Variants in PGM2 observed in about 807,000 individuals in gnomAD.
PGM2 encodes the protein phosphoglucomutase 2.
A neutral mutation model predicts 74.6 loss-of-function variants in PGM2; 57 were observed. The observed-to-expected ratio is 0.76, with a 90% CI of 0.62 to 0.95. PGM2 has a LOEUF of 0.95. Ranked by LOEUF, PGM2 falls within the 40% of genes least tolerant of loss-of-function variation. PGM2 has a pLI of 0.00. For synonymous variants in PGM2, 273 were observed against 260.7 expected, an observed-to-expected ratio of 1.05 and a Z score of -0.46; for missense variants, 706 against 741.9, an observed-to-expected ratio of 0.95 and a Z score of 0.56.
At chr4:37,840,298 A>G (rs1208490678) in intron 6 of PGM2, 39 bp downstream of exon 6, 5 of 1,292,148 alleles carry the variant, frequency 3.9e-6, no homozygotes, top group Non-Finnish European at 5.6e-6. Context: ...AAGTGAGTTA[A>G]TGTGATTCAG....
At chr4:37,835,837 C>T (rs1158467642) in intron 3 of PGM2, among the ~76,000 whole-genome samples, 1 of 152,128 alleles carries the variant, frequency 6.6e-6, no homozygotes, top group Non-Finnish European at 1.5e-5. Context: ...AGCTTTGCAG[C>T]TCAAAAATGT....
In PGM2 at chr4:37,847,194, C is replaced by T; in HGVS notation, c.1189-8C>T. 1.9e-6 allele frequency: 3 copies of T among 1,610,642 alleles called. No individual in the cohort carries two copies. Among genetic ancestry groups the T allele is most frequent in the Non-Finnish European group, 8.5e-7 (1 of 1,176,934 alleles). On this transcript the variant is annotated splice_polypyrimidine_tract_variant and splice_region_variant and intron_variant, in intron 9 of 13. Transcript: ENST00000381967. ...GGCATGTCTTTCTCTTTTGGATTAT[C>T]CCTTTAGGAAACATTAACTGGCTTT... is the stretch of plus-strand genomic sequence containing the variant.
Position 37,840,268 on chromosome 4 carries a change from A to T in PGM2, c.719+9A>T, listed in dbSNP as rs776541796. 5.8e-6 allele frequency: 9 copies of T among 1,548,538 alleles called. No homozygotes were observed. The highest frequency in any genetic ancestry group is 8.0e-6 in the Non-Finnish European group (9 of 1,121,084). On this transcript the variant is annotated intron_variant, in intron 6 of 13. Transcript: ENST00000381967. ...AAGTACTGTTTCCACAGGTAAATGA[A>T]TTGTGTCTTCACTGACCTTAAGTGA...
intron 6 of PGM2, among the ~76,000 whole-genome samples, chr4:37,842,944 T>C (rs1425363071): frequency 6.6e-6 from 1 of 151,970 alleles, no homozygotes; most frequent in Admixed American, 6.6e-5. Context: ...ATTAGAGGAG[T>C]GAGCCACTGT....
chr4:37,861,413 G>A (rs910090436), intron 13 of PGM2, 97 bp from the exon 14 acceptor site: 4 of 733,178 alleles, frequency 5.5e-6, no homozygotes, highest in South Asian at 4.8e-5. Context: ...TCTTCTTAAG[G>A]TTATATTTTC....
chr4:37,831,537 G>A (rs1268620766), intron 2 of PGM2, among the ~76,000 whole-genome samples: 2 of 152,204 alleles, frequency 1.3e-5, no homozygotes, highest in Non-Finnish European at 2.9e-5. Context: ...ATCATTTGAA[G>A]GCACCTTCAT....
chr4:37,855,834 A>G (rs901663505), intron 13 of PGM2, 93 bp downstream of exon 13: 20 of 1,069,934 alleles, frequency 1.9e-5, no homozygotes, highest in South Asian at 6.2e-5. Context: ...CATCTTTCTA[A>G]TAGGTAATTT....
Position 37,840,091 on chromosome 4 carries a change from TC to T in PGM2, c.552del (p.Ile185PhefsTer16), listed in dbSNP as rs768941882. 1 of 1,613,888 alleles carries T rather than the reference TC, an allele frequency of 6.2e-7. No individual in the cohort carries two copies. Among genetic ancestry groups the T allele is most frequent in the African/African-American group, 1.3e-5 (1 of 74,900 alleles). On this transcript the variant is annotated frameshift_variant, in exon 6 of 14. Transcript: ENST00000381967. LOFTEE classifies it high-confidence loss of function. ...GTCTATTGGGATAATGGAGCTCAGATCATTTCTCCTCACGATAAAGGGATTT... is the reference window on the plus strand; with the variant it reads ...GTCTATTGGGATAATGGAGCTCAGATATTTCTCCTCACGATAAAGGGATTT... ...YKVYWDNGAQ[I>X]ISPHDKGISQ... is the part of the protein sequence containing the mutation.
Position 37,846,942 on chromosome 4 carries a change from G to A in PGM2, c.1019G>A (p.Arg340Lys), listed in dbSNP as rs538140719. ...VAEKQDSGEW[R>K]VFSGNELGAL... ...TTTTTTTCTTTCAGTGGTGAATGGA[G>A]GGTGTTTTCAGGCAATGAGTTGGGG... The change falls in exon 9 of 14, where the codon AGG becomes AAG. Residue 340 changes from arginine to lysine, a missense_variant. By Grantham distance (26) the Arg-to-Lys change is conservative. This residue lies in a region of PGM2 where 359 missense variants were observed against 371.1 expected (regional missense o/e 0.97). Coordinates refer to ENST00000381967, the MANE Select transcript of PGM2 (RefSeq NM_018290.4). The A allele has an allele frequency of 3.7e-6, 6 of 1,607,450 alleles. No homozygotes were observed. Among genetic ancestry groups the A allele is most frequent in the Non-Finnish European group, 5.1e-6 (6 of 1,177,876 alleles).
At chr4:37,832,258 A>T (rs1482252419) in intron 2 of PGM2, among the ~76,000 whole-genome samples, 1 of 152,230 alleles carries the variant, frequency 6.6e-6, no homozygotes. Context: ...CTGAGCAGCA[A>T]GTATATCTTT....
At chr4:37,842,915 G>A (rs1331573299) in intron 6 of PGM2, among the ~76,000 whole-genome samples, 1 of 152,038 alleles carries the variant, frequency 6.6e-6, no homozygotes, top group East Asian at 1.9e-4. Context: ...CACCCGCCTC[G>A]GCCTCCCAAA....
chr4:37,859,635 C>G (rs561410246), intron 13 of PGM2, among the ~76,000 whole-genome samples: 1 of 152,174 alleles, frequency 6.6e-6, no homozygotes, highest in South Asian at 2.1e-4. Flanking sequence ...CACAGCATCA[C>G]AACATTAGTG....
At position 37,852,168 on chromosome 4, in the gene PGM2, G is replaced by A. The variant is rs115458292; in HGVS notation, c.1602+1795G>A. On this transcript the variant is annotated intron_variant, in intron 12 of 13. Coordinates refer to ENST00000381967, the MANE Select transcript of PGM2 (RefSeq NM_018290.4). ...TTTTTTTTTTTTTTTTTGGAGGGAC[G>A]AGTCTCTCCCTAGGTTTCCCAGGCA... Among the ~76,000 whole-genome samples the A allele has an allele frequency of 2.6e-3, 321 of 124,002 alleles. 1 individual carries two copies. Among genetic ancestry groups the A allele is most frequent in the African/African-American group, 8.7e-3 (290 of 33,246 alleles). The allele number at this position is 124,002 out of a possible 152,430, so 81.4% of individuals were successfully genotyped here.
At chr4:37,850,526 TGTG>T (rs1435393926) in intron 12 of PGM2, among the ~76,000 whole-genome samples, 153 bp downstream of exon 12, 2 of 152,238 alleles carry the variant, frequency 1.3e-5, no homozygotes, top group Non-Finnish European at 2.9e-5. Context: ...GGAAGCCGGA[TGTG>T]GTGGCTCATG....
At position 37,861,506 on chromosome 4, in the gene PGM2, C is replaced by G. The variant is rs746507649; in HGVS notation, c.1737-4C>G. 8 of 1,597,916 alleles carry G rather than the reference C, an allele frequency of 5.0e-6. No homozygotes were observed. In the East Asian group the frequency reaches 1.8e-4, roughly 36 times the overall value. Reference sequence around the variant, plus strand: ...CCTGGATTTTTTTCCCCCTTATTTTCCAGTGATCCTGAGCAGCTGAAGAAG... The same window carrying G: ...CCTGGATTTTTTTCCCCCTTATTTTGCAGTGATCCTGAGCAGCTGAAGAAG... On this transcript the variant is annotated splice_polypyrimidine_tract_variant and splice_region_variant and intron_variant, in intron 13 of 13. Coordinates refer to ENST00000381967, the MANE Select transcript of PGM2 (RefSeq NM_018290.4).
chr4:37,848,727 A>G, intron 11 of PGM2, 76 bp downstream of exon 11: 2 of 1,087,570 alleles, frequency 1.8e-6, no homozygotes, highest in Non-Finnish European at 2.7e-6. Flanking sequence ...ATGAGATACT[A>G]ATATCCTTTC....
At chr4:37,836,881 G>GTGTGTGTA (rs1443807989) in intron 3 of PGM2, among the ~76,000 whole-genome samples, 3 of 151,898 alleles carry the variant, frequency 2.0e-5, no homozygotes, top group Middle Eastern at 3.4e-3. Flanking sequence ...GTGTGTGTGT[G>GTGTGTGTA]TATACACACA....
At chr4:37,842,931 A>T (rs1304149145) in intron 6 of PGM2, among the ~76,000 whole-genome samples, 2 of 152,090 alleles carry the variant, frequency 1.3e-5, no homozygotes, top group South Asian at 4.1e-4. Context: ...CCAAAGTGCT[A>T]GGATTAGAGG....
At chr4:37,856,366 C>G (rs975000930) in intron 13 of PGM2, among the ~76,000 whole-genome samples, 1 of 152,098 alleles carries the variant, frequency 6.6e-6, no homozygotes, top group Non-Finnish European at 1.5e-5. Context: ...GCCTGGGCGA[C>G]AGAGCGAGAC....
Sources: allele counts gnomAD v4.1 joint callset (sites outside exome capture counted in the v4.1 genomes callset), GRCh38; gene constraint gnomAD v4.1.1; regional missense constraint gnomAD v4.1.1; transcripts MANE v1.5; gene names NCBI Gene and HGNC (gene_info 2026-07-23, HGNC 2026-07-21).